MUS81: variants seen among roughly 807,000 people sequenced by gnomAD.
The protein encoded by MUS81 is MUS81 structure-specific endonuclease subunit, also known as structure-specific endonuclease subunit MUS81.
Under a neutral mutation model 74.2 loss-of-function variants are expected in MUS81, and 69 were observed. The observed-to-expected ratio is 0.93, with a 90% CI of 0.77 to 1.14. The LOEUF (loss-of-function observed/expected upper bound fraction) is 1.14, where lower values mean the gene tolerates loss of function less well. Ranked by LOEUF, MUS81 falls within the 50% of genes most tolerant of loss-of-function variation. MUS81 has a pLI of 0.00. For synonymous variants in MUS81, 303 were observed against 300.6 expected (o/e 1.01, Z -0.08); for missense variants, 711 against 726.5 (o/e 0.98, Z 0.25).
downstream of MUS81, chr11:65,867,038 C>T (rs148302546): frequency 1.1e-4 from 176 of 1,614,050 alleles, no homozygotes; most frequent in Non-Finnish European, 1.3e-4. Flanking sequence ...GGCCCGTCAC[C>T]GGCCGGGCGA....
Position 65,863,686 on chromosome 11 carries a change from T to G in MUS81, c.926T>G (p.Val309Gly). 2 of 1,613,720 alleles carry G rather than the reference T, an allele frequency of 1.2e-6. No individual in the cohort carries two copies. Among genetic ancestry groups the G allele is most frequent in the East Asian group, 4.5e-5 (2 of 44,872 alleles). Residue 309 changes from valine to glycine, a missense_variant, in exon 9 of 16, where the codon GTG becomes GGG. By Grantham distance (109) the Val-to-Gly change is moderately radical (BLOSUM62 -3). Coordinates refer to ENST00000308110, the MANE Select transcript of MUS81 (RefSeq NM_025128.5). The part of the protein sequence containing the change: ...TVRKLHVGDF[V>G]WVAQETNPRD... The stretch of plus-strand genomic sequence containing the variant: ...CGCAAGCTGCACGTTGGAGATTTTG[T>G]GTGGGTGGCCCAGGAGACCAATCCT...
chr11:65,862,779 C>T (rs1243813871), intron 6 of MUS81, among the ~76,000 whole-genome samples: 2 of 152,072 alleles, frequency 1.3e-5, no homozygotes. Context: ...TAGGATTTGG[C>T]GGGTAGAGAT....
In MUS81 at chr11:65,861,281, G is replaced by C. The variant is rs542488201; in HGVS notation, c.266-69G>C. On this transcript the variant is annotated intron_variant, in intron 2 of 15. Transcript: ENST00000308110. The stretch of plus-strand genomic sequence containing the variant: ...CCGGTCTCACGTAACCATCTGAGTA[G>C]GTTGCATCCCAGATCCTCGCAGCTG... 9.7e-6 allele frequency: 15 copies of C among 1,542,064 alleles called. No homozygotes were observed. In the African/African-American group the frequency reaches 1.9e-4, roughly 20 times the overall value.
chr11:65,866,209 G>A lies in MUS81; in HGVS notation c.*157G>A, dbSNP rs753258084. ...TAGCCCTGGGGACCTTGTGAAATAC[G>A]CAGGAACCAGGGATACCATCTGGTC... On this transcript the variant is annotated 3_prime_UTR_variant, in exon 16 of 16. Transcript: ENST00000308110. 57 of 696,560 alleles carry A rather than the reference G, an allele frequency of 8.2e-5. No homozygotes were observed. Among genetic ancestry groups the A allele is most frequent in the Middle Eastern group, 2.6e-4 (1 of 3,914 alleles). The allele number at this position is 696,560 out of a possible 1,614,324, so 43.1% of individuals were successfully genotyped here. A position where few individuals can be genotyped will look rare whatever the true frequency, so the allele number is the denominator to read the frequency against.
chr11:65,866,671 T>G (rs1486449571), downstream of MUS81: 1 of 704,704 alleles, frequency 1.4e-6, no homozygotes, highest in Admixed American at 2.0e-5. Context: ...CTGAAGCTCG[T>G]GGTGCAGAGC....
rs781480752 is a variant in MUS81, at chr11:65,865,212, G to A, written c.1402-8G>A. ...ACCCCCACTGATCCAGCCCTTTCCC[G>A]AACCCAGGCCCAGTCGGTGCGAGAA... On this transcript the variant is annotated splice_region_variant and splice_polypyrimidine_tract_variant and intron_variant, in intron 13 of 15. Transcript: ENST00000308110. 4 of 1,614,048 alleles carry A rather than the reference G, an allele frequency of 2.5e-6. No homozygotes were observed. The highest frequency in any genetic ancestry group is 2.2e-5 in the East Asian group (1 of 44,878).
chr11:65,867,195 G>T, downstream of MUS81: 1 of 1,283,416 alleles, frequency 7.8e-7, no homozygotes, highest in Non-Finnish European at 1.1e-6. Flanking sequence ...CCCTGGCCAG[G>T]CTGCCACCCC....
chr11:65,861,231 G>A (rs1859589509), intron 2 of MUS81, 119 bp from the exon 3 acceptor site: 1 of 1,547,840 alleles, frequency 6.5e-7, no homozygotes, highest in East Asian at 2.4e-5. Flanking sequence ...AGGGCTAGTG[G>A]CTGGCGCTCC....
At chr11:65,864,653 C>T in intron 11 of MUS81, 40 bp downstream of exon 11, 10 of 1,612,618 alleles carry the variant, frequency 6.2e-6, no homozygotes, top group East Asian at 2.2e-5. Context: ...AGGCAGGGGC[C>T]CCTGTGGTCC....
downstream of MUS81, chr11:65,866,560 G>A: frequency 1.4e-6 from 1 of 702,920 alleles, no homozygotes; most frequent in South Asian, 1.5e-5. Flanking sequence ...GCGCTGTCCA[G>A]AGTGGAGTTT....
chr11:65,865,031 C>A lies in MUS81; in HGVS notation c.1287C>A (p.Arg429=), dbSNP rs1468198442. The A allele has an allele frequency of 6.2e-7, 1 of 1,613,824 alleles. No individual in the cohort carries two copies. Among genetic ancestry groups the A allele is most frequent in the African/African-American group, 1.3e-5 (1 of 75,050 alleles). ...TCTTCCCTCAGGGCCACACCCTACG[C>A]AGCCGCCCCTGGGGAACCCCTGGGA... ...LQRLYQGHTL[R]SRPWGTPGNP... The change falls in exon 13 of 16, where the codon CGC becomes CGA. Residue 429 remains arginine (R), a synonymous_variant. Transcript: ENST00000308110.
chr11:65,863,212 A>G lies in MUS81; in HGVS notation c.746+7A>G. The G allele has an allele frequency of 6.2e-7, 1 of 1,607,430 alleles. No individual in the cohort carries two copies. Among genetic ancestry groups the G allele is most frequent in the Non-Finnish European group, 8.5e-7 (1 of 1,176,228 alleles). On this transcript the variant is annotated splice_region_variant and intron_variant, in intron 7 of 15. Transcript: ENST00000308110. Reference sequence around the variant, plus strand: ...GAGCAGCTTCAGCAGAGCTGTGAGGAGGAGGGCAGAGGAGTGGGGAAAACA... The same window carrying G: ...GAGCAGCTTCAGCAGAGCTGTGAGGGGGAGGGCAGAGGAGTGGGGAAAACA...
In MUS81 at chr11:65,866,046, G is replaced by T; in HGVS notation, c.1650G>T (p.Leu550Phe). Residue 550 changes from leucine to phenylalanine, a missense_variant, in exon 16 of 16, where the codon TTG (leucine) becomes TTT (phenylalanine). Leu to Phe is a conservative substitution (Grantham distance 22). Coordinates refer to ENST00000308110, the MANE Select transcript of MUS81 (RefSeq NM_025128.5). The stretch of plus-strand genomic sequence containing the variant: ...AGCTCTACTGCAGCTACGGCCCCTT[G>T]ACCTGAGCTTATGCCGTGAAACAGC... ...LSQLYCSYGP[L>F]T 1 of 1,613,918 alleles carries T rather than the reference G, an allele frequency of 6.2e-7. No homozygotes were observed. The highest frequency in any genetic ancestry group is 8.5e-7 in the Non-Finnish European group (1 of 1,179,922).
chr11:65,867,140 C>T, downstream of MUS81: 1 of 1,601,212 alleles, frequency 6.2e-7, no homozygotes, highest in African/African-American at 1.3e-5. Context: ...AGGCCCCTGC[C>T]CCAGCGTCAC....
chr11:65,862,324 C>A, intron 5 of MUS81, 45 bp downstream of exon 5: 1 of 1,606,106 alleles, frequency 6.2e-7, no homozygotes, highest in Non-Finnish European at 8.5e-7. Flanking sequence ...GGCTCTGGGG[C>A]CCACCAAAGA....
At chr11:65,861,308 C>T (rs1374072058) in intron 2 of MUS81, 42 bp from the exon 3 acceptor site, 2 of 1,558,638 alleles carry the variant, frequency 1.3e-6, no homozygotes, top group Admixed American at 1.9e-5. Context: ...TCGCAGCTGC[C>T]GGATTCGTGG....
chr11:65,861,477 C>T (rs1185847261), intron 3 of MUS81, 42 bp downstream of exon 3: 17 of 1,520,320 alleles, frequency 1.1e-5, no homozygotes, highest in Non-Finnish European at 1.5e-5. Context: ...AGTGGGAGTG[C>T]GGGAGTATGA....
downstream of MUS81, chr11:65,866,653 C>A (rs772435021): frequency 9.9e-6 from 7 of 703,774 alleles, no homozygotes; most frequent in South Asian, 1.0e-4. Context: ...CCTCTCCTCT[C>A]GGGGTGACTG....
At chr11:65,864,381 C>T (rs1859732912) in intron 10 of MUS81, 116 bp from the exon 11 acceptor site, 9 of 887,970 alleles carry the variant, frequency 1.0e-5, no homozygotes, top group South Asian at 7.2e-5. Context: ...AGGGAGGATG[C>T]AGAGGCTAAC....
Sources: gnomAD v4.1 joint callset for allele counts (sites outside exome capture counted in the v4.1 genomes callset) on GRCh38, gnomAD v4.1.1 for gene constraint, MANE v1.5 for transcripts, NCBI Gene and HGNC (gene_info 2026-07-23, HGNC 2026-07-21) for gene names.